Variants in MALRD1 observed in about 807,000 individuals in gnomAD.
MALRD1 encodes MAM and LDL-receptor class A domain-containing protein 1.
In MALRD1, 247 loss-of-function variants were observed where a neutral mutation model predicts 242.1. The observed-to-expected ratio is 1.02, with a 90% CI of 0.92 to 1.13. MALRD1 has a LOEUF of 1.13. Ranked by LOEUF, MALRD1 falls within the 50% of genes most tolerant of loss-of-function variation. The probability of loss-of-function intolerance (pLI) is 0.00; values close to 1 mark genes in which losing one functional copy is unlikely to be tolerated. For missense variants in MALRD1, 2,989 were observed against 2,533.1 expected (o/e 1.18, Z -3.86); for synonymous variants, 995 against 866.6 (o/e 1.15, Z -2.60).
At chr10:19,596,438 C>G (rs1313683627) in intron 34 of MALRD1, among the ~76,000 whole-genome samples, 1 of 152,028 alleles carries the variant, frequency 6.6e-6, no homozygotes, top group Non-Finnish European at 1.5e-5. Flanking sequence ...AAGAGGGGAA[C>G]ATTGAATGAG....
intron 38 of MALRD1, chr10:19,724,963 A>G (rs1411152847): frequency 1.3e-5 from 2 of 152,210 alleles, no homozygotes; most frequent in African/African-American, 4.8e-5. Context: ...CTTGAAGGCA[A>G]TTCTGTTGAC....
intron 24 of MALRD1, among the ~76,000 whole-genome samples, chr10:19,339,655 G>T (rs976559515): frequency 6.6e-6 from 1 of 152,126 alleles, no homozygotes; most frequent in African/African-American, 2.4e-5. Flanking sequence ...TGATAATGCT[G>T]TGTAACAAAC....
chr10:19,456,183 C>G (rs1835638823), intron 29 of MALRD1, among the ~76,000 whole-genome samples: 1 of 151,966 alleles, frequency 6.6e-6, no homozygotes, highest in Non-Finnish European at 1.5e-5. Context: ...TCATACATAG[C>G]AAAACACTCA....
chr10:19,241,366 G>T lies in MALRD1; in HGVS notation c.2992-16318G>T, dbSNP rs143118510. On this transcript the variant is annotated intron_variant, in intron 18 of 39. Transcript: ENST00000454679. ...ACATTATCAAATTTGTTGGCATATA[G>T]TTACGAGTAATGTCTTACAATCCCT... Among the ~76,000 whole-genome samples, 361 of 152,078 alleles carry T rather than the reference G, an allele frequency of 2.4e-3. 2 individuals are homozygous for T. Among genetic ancestry groups the T allele is most frequent in the African/African-American group, 8.3e-3 (346 of 41,518 alleles).
At chr10:19,350,021 T>C (rs956802913) in intron 25 of MALRD1, among the ~76,000 whole-genome samples, 1 of 152,056 alleles carries the variant, frequency 6.6e-6, no homozygotes, top group Admixed American at 6.6e-5. Flanking sequence ...TGATACAGAT[T>C]GAATAAAAGC....
At chr10:19,589,240 A>G (rs535326173) in intron 33 of MALRD1, among the ~76,000 whole-genome samples, 1 of 152,326 alleles carries the variant, frequency 6.6e-6, no homozygotes, top group Admixed American at 6.5e-5. Flanking sequence ...CTCAATACCA[A>G]CATTGGTATT....
chr10:19,563,867 G>A (rs1423879401), intron 32 of MALRD1, among the ~76,000 whole-genome samples: 3 of 152,172 alleles, frequency 2.0e-5, no homozygotes, highest in African/African-American at 4.8e-5. Flanking sequence ...GGGGTCTTGG[G>A]TGTGGATCTC....
At chr10:19,325,872 T>C (rs1383802826) in intron 22 of MALRD1, among the ~76,000 whole-genome samples, 1 of 152,142 alleles carries the variant, frequency 6.6e-6, no homozygotes, top group Non-Finnish European at 1.5e-5. Context: ...TGCTAGGTCA[T>C]ACGTTTTCCG....
intron 36 of MALRD1, among the ~76,000 whole-genome samples, chr10:19,618,792 T>A (rs1839279754): frequency 6.6e-6 from 1 of 152,114 alleles, no homozygotes; most frequent in Non-Finnish European, 1.5e-5. Context: ...TGGCAGTGTT[T>A]ACAGTGGATT....
chr10:19,698,057 C>G (rs1264401708), intron 38 of MALRD1, among the ~76,000 whole-genome samples: 5 of 152,162 alleles, frequency 3.3e-5, no homozygotes, highest in African/African-American at 1.2e-4. Context: ...AAATATTTTT[C>G]CAAGCTCCAG....
At chr10:19,246,967 T>C (rs1839083214) in intron 18 of MALRD1, among the ~76,000 whole-genome samples, 1 of 152,090 alleles carries the variant, frequency 6.6e-6, no homozygotes, top group Non-Finnish European at 1.5e-5. Context: ...TTTAGTTGTA[T>C]GACTTACTGC....
intron 18 of MALRD1, among the ~76,000 whole-genome samples, chr10:19,240,406 A>G (rs951753358): frequency 1.3e-5 from 2 of 152,084 alleles, no homozygotes; most frequent in South Asian, 4.1e-4. Flanking sequence ...TTCTCACTCT[A>G]TATAAGTATA....
intron 24 of MALRD1, among the ~76,000 whole-genome samples, chr10:19,336,883 A>G (rs1456658609): frequency 6.6e-6 from 1 of 152,122 alleles, no homozygotes; most frequent in Admixed American, 6.5e-5. Context: ...AAGAAAAATA[A>G]AGACAAAACT....
intron 28 of MALRD1, among the ~76,000 whole-genome samples, chr10:19,414,492 G>C (rs1833423902): frequency 6.6e-6 from 1 of 152,194 alleles, no homozygotes; most frequent in South Asian, 2.1e-4. Context: ...TAGTTTTGGA[G>C]AAGAAAATGA....
At chr10:19,643,975 CA>C (rs1564511201) in intron 36 of MALRD1, among the ~76,000 whole-genome samples, 1 of 152,156 alleles carries the variant, frequency 6.6e-6, no homozygotes, top group Non-Finnish European at 1.5e-5. Flanking sequence ...TAATGAGAGC[CA>C]GCTTCTGGCA....
intron 26 of MALRD1, among the ~76,000 whole-genome samples, chr10:19,369,447 G>A (rs1008946131): frequency 1.4e-5 from 2 of 147,834 alleles, no homozygotes; most frequent in African/African-American, 2.5e-5. Context: ...GTATCTATTT[G>A]CTTAACATTG....
At chr10:19,591,096 C>T (rs1028824030) in intron 33 of MALRD1, among the ~76,000 whole-genome samples, 4 of 152,150 alleles carry the variant, frequency 2.6e-5, no homozygotes, top group African/African-American at 9.7e-5. Flanking sequence ...CTGGCAGATA[C>T]TTTTCCTGTC....
intron 26 of MALRD1, among the ~76,000 whole-genome samples, chr10:19,359,653 G>A (rs761781814): frequency 1.7e-4 from 26 of 151,814 alleles, no homozygotes; most frequent in Non-Finnish European, 2.6e-4. Context: ...GGAGAAAATT[G>A]TGGAGAGGAA....
At chr10:19,713,013 A>G (rs1370290334) in intron 38 of MALRD1, among the ~76,000 whole-genome samples, 1 of 147,710 alleles carries the variant, frequency 6.8e-6, no homozygotes, top group African/African-American at 2.5e-5. Flanking sequence ...TGTAAAATAT[A>G]ATAAAAATAA....
Sources: allele counts gnomAD v4.1 joint callset (sites outside exome capture counted in the v4.1 genomes callset), GRCh38; gene constraint gnomAD v4.1.1; transcripts MANE v1.5; gene names NCBI Gene and HGNC (gene_info 2026-07-23, HGNC 2026-07-21).